The following HEATR5A variants were observed in gnomAD, a reference collection of about 807,000 sequenced individuals.
HEATR5A encodes HEAT repeat-containing protein 5A.
In HEATR5A, 178 loss-of-function variants were observed where a neutral mutation model predicts 218.8. That is an observed-to-expected ratio of 0.81 (90% CI 0.72 to 0.92). HEATR5A has a LOEUF of 0.92. HEATR5A is among the 40% of genes least tolerant of loss of function. The pLI, the probability that HEATR5A is intolerant of heterozygous loss-of-function variation, is 0.00. For synonymous variants in HEATR5A, 864 were observed against 871.6 expected, an observed-to-expected ratio of 0.99 and a Z score of 0.15; for missense variants, 2,420 against 2,418.9, an observed-to-expected ratio of 1.00 and a Z score of -0.01.
Position 31,291,944 on chromosome 14 carries a change from T to C in HEATR5A, c.*1361A>G, listed in dbSNP as rs953980883. ...ATTGTTCTTGCTTCAAAATGTCTTC[T>C]CAATTCTGACATGCTTCTATCACTT... is the stretch of plus-strand genomic sequence containing the variant. On this transcript the variant is annotated 3_prime_UTR_variant, in exon 36 of 36. Transcript: ENST00000543095. The C allele has an allele frequency of 1.3e-5, 2 of 152,212 alleles. No individual in the cohort carries two copies. The highest frequency in any genetic ancestry group is 1.3e-4 in the Admixed American group (2 of 15,280). 9.4% of individuals were successfully genotyped at this position (152,212 alleles called of 1,614,324 possible).
chr14:31,306,895 T>A lies in HEATR5A; in HGVS notation c.4819-16A>T. ...TACCCAAGTCCTATCATGGAAATCA[T>A]GTACAGGACACTGTATTAGAAATTA... On this transcript the variant is annotated splice_polypyrimidine_tract_variant and intron_variant, in intron 30 of 35. Transcript: ENST00000543095. 2 of 1,577,908 alleles carry A rather than the reference T, an allele frequency of 1.3e-6. No homozygotes were observed. Among genetic ancestry groups the A allele is most frequent in the Non-Finnish European group, 1.7e-6 (2 of 1,155,072 alleles).
chr14:31,376,763 G>A (rs754409279), intron 11 of HEATR5A, among the ~76,000 whole-genome samples: 2 of 152,018 alleles, frequency 1.3e-5, no homozygotes, highest in Non-Finnish European at 2.9e-5. Flanking sequence ...TAAAGGGAAT[G>A]AAAAAAACAG....
chr14:31,340,828 G>C lies in HEATR5A; in HGVS notation c.3228+3068C>G, dbSNP rs192326768. Among the ~76,000 whole-genome samples, 183 of 152,312 alleles carry C rather than the reference G, an allele frequency of 1.2e-3. 4 individuals are homozygous for C. Among genetic ancestry groups the C allele is most frequent in the Admixed American group, 3.7e-3 (57 of 15,302 alleles). On this transcript the variant is annotated intron_variant, in intron 21 of 35. Transcript: ENST00000543095. ...GGAGTGATCTGGATTGCATTCACAT[G>C]AACAGGTGTCCAGCAAGAGGCAAAG...
intron 14 of HEATR5A, among the ~76,000 whole-genome samples, chr14:31,360,427 T>A (rs1342586126): frequency 6.6e-6 from 1 of 152,156 alleles, no homozygotes; most frequent in African/African-American, 2.4e-5. Flanking sequence ...TGCAGGTTAG[T>A]TCATAAGTGG....
intron 14 of HEATR5A, among the ~76,000 whole-genome samples, chr14:31,359,729 C>CAAAAAAAA (rs376157768): frequency 1.5e-3 from 49 of 32,152 alleles, no homozygotes; most frequent in Non-Finnish European, 2.6e-3. Flanking sequence ...CATCTCAAGA[C>CAAAAAAAA]AAAAAAAAAA....
intron 34 of HEATR5A, among the ~76,000 whole-genome samples, chr14:31,294,426 A>G (rs919150538): frequency 1.8e-4 from 15 of 82,924 alleles, no homozygotes; most frequent in African/African-American, 5.9e-4. Flanking sequence ...CCCCTCCTGT[A>G]ACATTTTTTT....
chr14:31,367,937 G>A (rs1901866031), intron 13 of HEATR5A, among the ~76,000 whole-genome samples: 4 of 152,026 alleles, frequency 2.6e-5, no homozygotes, highest in Non-Finnish European at 5.9e-5. Context: ...AAGGAAGTAT[G>A]GATTTTTTTA....
intron 27 of HEATR5A, among the ~76,000 whole-genome samples, chr14:31,314,290 C>T (rs1351114389): frequency 6.6e-6 from 1 of 151,098 alleles, no homozygotes; most frequent in Non-Finnish European, 1.5e-5. Flanking sequence ...TGGAGTTTCG[C>T]TCTTGTTCCC....
At chr14:31,304,234 T>C (rs1336348074) in intron 32 of HEATR5A, among the ~76,000 whole-genome samples, 1 of 151,334 alleles carries the variant, frequency 6.6e-6, no homozygotes, top group Admixed American at 6.6e-5. Context: ...CAAAAAAGAG[T>C]ATGGAGTCAA....
chr14:31,335,705 G>A (rs2139190694), intron 22 of HEATR5A, among the ~76,000 whole-genome samples: 1 of 152,234 alleles, frequency 6.6e-6, no homozygotes, highest in Non-Finnish European at 1.5e-5. Flanking sequence ...CCAGGCTGGA[G>A]TGCAGTGGTG....
rs1899058892 is a variant in HEATR5A at position 31,292,590 on chromosome 14, T to A, written c.*715A>T. 2 of 151,998 alleles carry A rather than the reference T, an allele frequency of 1.3e-5. No individual in the cohort carries two copies. Among genetic ancestry groups the A allele is most frequent in the African/African-American group, 2.4e-5 (1 of 41,354 alleles). The allele number at this position is 151,998 out of a possible 1,614,324, so 9.4% of individuals were successfully genotyped here. A position where few individuals can be genotyped will look rare whatever the true frequency, so the allele number is the denominator to read the frequency against. ...ATTACTGAATAAGGCAGAATTTTTT[T>A]TTTTTTTTTTTAGATGGAGTCTCAC... On this transcript the variant is annotated 3_prime_UTR_variant, in exon 36 of 36. Coordinates refer to ENST00000543095, the MANE Select transcript of HEATR5A (RefSeq NM_015473.4).
intron 20 of HEATR5A, 59 bp from the exon 21 acceptor site, chr14:31,344,124 C>T (rs933288365): frequency 2.9e-6 from 3 of 1,019,190 alleles, no homozygotes; most frequent in Admixed American, 7.2e-5. Flanking sequence ...ACTCTTTAAA[C>T]ATATATTACA....
intron 16 of HEATR5A, among the ~76,000 whole-genome samples, chr14:31,354,778 A>G (rs1901362740): frequency 6.6e-6 from 1 of 152,242 alleles, no homozygotes; most frequent in South Asian, 2.1e-4. Context: ...CACAGTATAC[A>G]CAAAACAGTA....
intron 24 of HEATR5A, 103 bp downstream of exon 24, chr14:31,323,462 A>T: frequency 1.1e-6 from 1 of 881,666 alleles, no homozygotes; most frequent in Non-Finnish European, 1.6e-6. Context: ...GTGTCTGGCT[A>T]GTTTCATTTT....
intron 31 of HEATR5A, 67 bp downstream of exon 31, chr14:31,306,665 C>T: frequency 2.1e-6 from 3 of 1,420,854 alleles, no homozygotes; most frequent in East Asian, 2.4e-5. Flanking sequence ...TATATAGATA[C>T]ATTAAATAAT....
intron 22 of HEATR5A, among the ~76,000 whole-genome samples, chr14:31,327,496 G>A (rs1900310239): frequency 1.3e-5 from 2 of 151,258 alleles, no homozygotes; most frequent in Non-Finnish European, 2.9e-5. Flanking sequence ...TTTCAACAGT[G>A]GCCAGGCTGG....
chr14:31,389,133 C>A, intron 6 of HEATR5A, 128 bp from the exon 7 acceptor site: 3 of 831,386 alleles, frequency 3.6e-6, no homozygotes, highest in African/African-American at 3.4e-5. Flanking sequence ...GCAAAATTTA[C>A]AGAACAGTCT....
intron 7 of HEATR5A, among the ~76,000 whole-genome samples, chr14:31,388,225 C>G (rs1021755594): frequency 6.6e-6 from 1 of 151,776 alleles, no homozygotes; most frequent in Non-Finnish European, 1.5e-5. Flanking sequence ...TTCATGGAGA[C>G]TATATGCAGT....
rs762973553 is a variant in HEATR5A, at chr14:31,304,947, A to G, written c.5197T>C (p.Leu1733=). The G allele has an allele frequency of 1.2e-5, 20 of 1,614,004 alleles. No individual in the cohort carries two copies. The highest frequency in any genetic ancestry group is 6.7e-5 in the Admixed American group (4 of 60,020). The change falls in exon 32 of 36, where the codon TTG becomes CTG. Residue 1733 remains leucine, a synonymous_variant. Coordinates refer to ENST00000543095, the MANE Select transcript of HEATR5A (RefSeq NM_015473.4). ...GCAGGAAGTTCGGAAAGGATAACCAATGCAGCTGAAACCAATCTACTTCCA... is the reference window on the plus strand; with the variant it reads ...GCAGGAAGTTCGGAAAGGATAACCAGTGCAGCTGAAACCAATCTACTTCCA... ...EDGSRLVSAA[L]VILSELPAVC...
Sources: gnomAD v4.1 joint callset for allele counts (sites outside exome capture counted in the v4.1 genomes callset) on GRCh38, gnomAD v4.1.1 for gene constraint, MANE v1.5 for transcripts, NCBI Gene and HGNC (gene_info 2026-07-23, HGNC 2026-07-21) for gene names.